The following TNNI3K variants were observed in gnomAD, a reference collection of about 807,000 sequenced individuals.
The protein encoded by TNNI3K is serine/threonine-protein kinase TNNI3K.
Under a neutral mutation model 114.5 loss-of-function variants are expected in TNNI3K, and 140 were observed. That is an observed-to-expected ratio of 1.22 (90% CI 1.07 to 1.41). The LOEUF (loss-of-function observed/expected upper bound fraction) is 1.41, where lower values mean the gene tolerates loss of function less well. Ranked by LOEUF, TNNI3K falls within the 40% of genes most tolerant of loss-of-function variation. TNNI3K has a pLI of 0.00. For missense variants in TNNI3K, 1,125 were observed against 1,007.6 expected, an observed-to-expected ratio of 1.12 and a Z score of -1.58; for synonymous variants, 347 against 347.5, an observed-to-expected ratio of 1.00 and a Z score of 0.02.
At chr1:74,308,804 A>T (rs558264255) in intron 5 of TNNI3K, among the ~76,000 whole-genome samples, 1 of 152,186 alleles carries the variant, frequency 6.6e-6, no homozygotes, top group Non-Finnish European at 1.5e-5. Context: ...AAGTGAAATC[A>T]GAAGTGACAA....
chr1:74,303,380 G>A (rs1033158815), intron 5 of TNNI3K, among the ~76,000 whole-genome samples: 1 of 152,058 alleles, frequency 6.6e-6, no homozygotes, highest in African/African-American at 2.4e-5. Flanking sequence ...GGCCAGGCTG[G>A]TCTCTAACTC....
At chr1:74,245,906 A>G (rs182360458) in intron 2 of TNNI3K, among the ~76,000 whole-genome samples, 24 of 152,278 alleles carry the variant, frequency 1.6e-4, no homozygotes, top group East Asian at 3.9e-4. Flanking sequence ...CATGCTTACT[A>G]ATACTGGGAA....
At chr1:74,332,973 A>AG in intron 6 of TNNI3K, among the ~76,000 whole-genome samples, 1 of 70,722 alleles carries the variant, frequency 1.4e-5, no homozygotes, top group African/African-American at 4.4e-5. Flanking sequence ...AAAAAAAAAA[A>AG]AAAAGAGAGA....
intron 21 of TNNI3K, chr1:74,480,490 G>T (rs1203977615): frequency 2.8e-6 from 2 of 717,466 alleles, no homozygotes; most frequent in Admixed American, 4.0e-5. Context: ...ACCTATTTCG[G>T]GAAAGGTCCA....
At chr1:74,268,788 A>G (rs549468126) in intron 4 of TNNI3K, among the ~76,000 whole-genome samples, 1 of 151,930 alleles carries the variant, frequency 6.6e-6, no homozygotes, top group African/African-American at 2.4e-5. Context: ...ATGCAGCTCA[A>G]ATTTAACATG....
intron 17 of TNNI3K, among the ~76,000 whole-genome samples, chr1:74,430,487 G>T (rs1039134637): frequency 1.3e-5 from 2 of 151,986 alleles, no homozygotes; most frequent in Non-Finnish European, 2.9e-5. Flanking sequence ...TTTGCAAACA[G>T]CTTATTCATG....
At chr1:74,478,416 TA>T (rs1668312341) in intron 21 of TNNI3K, among the ~76,000 whole-genome samples, 1 of 152,330 alleles carries the variant, frequency 6.6e-6, no homozygotes, top group East Asian at 1.9e-4. Context: ...TCAATACTAA[TA>T]AAGAACTGTT....
intron 4 of TNNI3K, among the ~76,000 whole-genome samples, chr1:74,252,399 T>C (rs868357597): frequency 2.6e-5 from 4 of 152,188 alleles, no homozygotes; most frequent in African/African-American, 9.6e-5. Context: ...AGAAAATGCA[T>C]AGTTATTTTG....
chr1:74,254,757 C>T (rs1655168988), intron 4 of TNNI3K, among the ~76,000 whole-genome samples: 1 of 151,998 alleles, frequency 6.6e-6, no homozygotes, highest in Non-Finnish European at 1.5e-5. Flanking sequence ...AGGGCGAGTC[C>T]ACAGTGCAAA....
chr1:74,240,814 G>A (rs1654148072), intron 2 of TNNI3K: 1 of 150,260 alleles, frequency 6.7e-6, no homozygotes, highest in Admixed American at 6.7e-5. Context: ...TAAGTTTTAG[G>A]GTACATGTGC....
chr1:74,258,251 CAG>C (rs1655451347), intron 4 of TNNI3K, among the ~76,000 whole-genome samples: 1 of 152,136 alleles, frequency 6.6e-6, no homozygotes, highest in African/African-American at 2.4e-5. Flanking sequence ...GATCTCCATG[CAG>C]ATTTCTGCAG....
At chr1:74,266,537 C>T (rs552274451) in intron 4 of TNNI3K, among the ~76,000 whole-genome samples, 80 of 152,100 alleles carry the variant, frequency 5.3e-4, no homozygotes, top group African/African-American at 1.7e-3. Flanking sequence ...TAGATGAATG[C>T]TCACCATGTT....
chr1:74,509,524 G>A (rs1570719945), intron 23 of TNNI3K, among the ~76,000 whole-genome samples: 1 of 152,094 alleles, frequency 6.6e-6, no homozygotes, highest in East Asian at 1.9e-4. Context: ...ATTGTTTAGG[G>A]CAAGATAAAT....
intron 4 of TNNI3K, among the ~76,000 whole-genome samples, chr1:74,253,486 C>G (rs1168345416): frequency 6.6e-6 from 1 of 152,080 alleles, no homozygotes; most frequent in Admixed American, 6.5e-5. Context: ...AGCCCTGCCG[C>G]ACGGGGAGGC....
Position 74,391,169 on chromosome 1 carries a change from C to T in TNNI3K, c.1772+20777C>T, listed in dbSNP as rs990157837. Among the ~76,000 whole-genome samples, 9 of 151,962 alleles carry T rather than the reference C, an allele frequency of 5.9e-5. No homozygotes were observed. In the South Asian group the frequency reaches 1.7e-3, roughly 28 times the overall value. On this transcript the variant is annotated intron_variant, in intron 17 of 24. Coordinates refer to ENST00000326637, the MANE Select transcript of TNNI3K (RefSeq NM_015978.3). ...GGTCTGCTTTATTTATTTGTTCATT[C>T]GACAAATATTTGGACACTAGAGATA...
chr1:74,328,858 A>G lies in TNNI3K; in HGVS notation c.445-2592A>G, dbSNP rs369286689. Among the ~76,000 whole-genome samples, 5 of 152,108 alleles carry G rather than the reference A, an allele frequency of 3.3e-5. No homozygotes were observed. In the South Asian group the frequency reaches 8.3e-4, roughly 25 times the overall value. On this transcript the variant is annotated intron_variant, in intron 5 of 24. Coordinates refer to ENST00000326637, the MANE Select transcript of TNNI3K (RefSeq NM_015978.3). Reference sequence around the variant, plus strand: ...ATTTGAAAGTCCGTTTTGCATAAAAATTCATGCTGTCTACTTTATGCTATA... The same window carrying G: ...ATTTGAAAGTCCGTTTTGCATAAAAGTTCATGCTGTCTACTTTATGCTATA...
intron 20 of TNNI3K, among the ~76,000 whole-genome samples, chr1:74,448,366 G>C (rs1342002760): frequency 4.7e-5 from 7 of 147,574 alleles, no homozygotes; most frequent in Non-Finnish European, 1.0e-4. Context: ...ATTTTGGGCT[G>C]AGACAATGGG....
intron 23 of TNNI3K, among the ~76,000 whole-genome samples, chr1:74,525,375 AG>A (rs1646489602): frequency 6.6e-6 from 1 of 152,208 alleles, no homozygotes; most frequent in African/African-American, 2.4e-5. Context: ...TGTGAGGCAC[AG>A]GAAGGTAAAA....
At chr1:74,353,561 TA>T (rs565726982) in intron 10 of TNNI3K, among the ~76,000 whole-genome samples, 117 of 151,908 alleles carry the variant, frequency 7.7e-4, no homozygotes, top group Non-Finnish European at 1.5e-3. Flanking sequence ...ATTATTGTGT[TA>T]AATTATTTGC....
Sources: allele counts gnomAD v4.1 joint callset (sites outside exome capture counted in the v4.1 genomes callset), GRCh38; gene constraint gnomAD v4.1.1; transcripts MANE v1.5; gene names NCBI Gene and HGNC (gene_info 2026-07-23, HGNC 2026-07-21).